TTI1: variants seen among roughly 807,000 people sequenced by gnomAD.
TTI1 encodes the protein TELO2-interacting protein 1 homolog.
TTI1 carries 52 observed loss-of-function variants against 85.4 expected under a neutral mutation model. That is an observed-to-expected ratio of 0.61 (90% confidence interval 0.49 to 0.77). The LOEUF is 0.77. Among genes scored for constraint, TTI1 ranks in the 30% least tolerant of loss-of-function variants. TTI1 has a pLI of 0.00. For missense variants in TTI1, 1,173 were observed against 1,296.0 expected (o/e 0.91, Z 1.46); for synonymous variants, 512 against 503.9 (o/e 1.02, Z -0.22).
chr20:38,017,586 C>A (rs1386484093), intron 1 of TTI1, among the ~76,000 whole-genome samples: 1 of 152,160 alleles, frequency 6.6e-6, no homozygotes. Flanking sequence ...AAACTGCAAT[C>A]TTGAGGGACC....
At chr20:37,996,621 G>A (rs2073343550) in intron 6 of TTI1, 128 bp downstream of exon 6, 1 of 1,403,684 alleles carries the variant, frequency 7.1e-7, no homozygotes, top group Non-Finnish European at 9.8e-7. Flanking sequence ...GGACAAATGA[G>A]GCCAAAATAA....
intron 1 of TTI1, among the ~76,000 whole-genome samples, chr20:38,015,158 G>A (rs150336565): frequency 2.0e-5 from 3 of 152,296 alleles, no homozygotes; most frequent in African/African-American, 4.8e-5. Context: ...TCGTGCCAGC[G>A]GGCGTGAGCA....
chr20:38,031,488 ATAAG>A (rs1230269193), intron 1 of TTI1, among the ~76,000 whole-genome samples: 2 of 152,224 alleles, frequency 1.3e-5, no homozygotes, highest in Non-Finnish European at 2.9e-5. Flanking sequence ...TCTGAGAAGC[ATAAG>A]TAAAAGACTA....
At chr20:38,016,081 T>C (rs1279186758) in intron 1 of TTI1, among the ~76,000 whole-genome samples, 3 of 152,224 alleles carry the variant, frequency 2.0e-5, no homozygotes, top group Admixed American at 6.5e-5. Flanking sequence ...GAACTCCTCA[T>C]TGGCAACAAT....
intron 1 of TTI1, among the ~76,000 whole-genome samples, chr20:38,028,094 T>C (rs1194624997): frequency 6.6e-6 from 1 of 152,202 alleles, no homozygotes; most frequent in Non-Finnish European, 1.5e-5. Context: ...GCAGTTCAAA[T>C]CTGTGTTGTT....
intron 3 of TTI1, 61 bp downstream of exon 3, chr20:38,006,136 C>T: frequency 6.3e-7 from 1 of 1,587,842 alleles, no homozygotes. Flanking sequence ...GATGTTTCAC[C>T]ATTTTTACAA....
chr20:38,005,875 G>T, intron 3 of TTI1: 1 of 318,750 alleles, frequency 3.1e-6, no homozygotes, highest in Middle Eastern at 1.1e-3. Flanking sequence ...TTATTATTAA[G>T]CCAGAAGCAA....
intron 1 of TTI1, among the ~76,000 whole-genome samples, chr20:38,017,458 C>T (rs1033096373): frequency 1.3e-5 from 2 of 150,404 alleles, no homozygotes; most frequent in Non-Finnish European, 2.9e-5. Context: ...TTGGTGTGTG[C>T]GCACGAGCCT....
rs559741105 is a variant in TTI1, at chr20:38,006,246, T to G, written c.2454A>C (p.Lys818Asn). 3.5e-5 allele frequency: 56 copies of G among 1,614,100 alleles called. No homozygotes were observed. The highest frequency in any genetic ancestry group is 4.4e-5 in the Non-Finnish European group (52 of 1,180,042). ...CATTTCCATCTGCCACATCCTTCTC[T>G]TTGAGGTAGTTCAGCAAAAACTGTT... Reference protein sequence around the residue: ...DIEQFLLNYLKEKDVADGNVS... With the variant: ...DIEQFLLNYLNEKDVADGNVS... Residue 818 changes from lysine to asparagine, a missense_variant, in exon 3 of 8, where the codon AAA becomes AAC. By Grantham distance (94) the Lys-to-Asn change is moderately conservative. Transcript: ENST00000373447.
chr20:38,031,787 T>C (rs2073910984), intron 1 of TTI1, among the ~76,000 whole-genome samples: 1 of 152,246 alleles, frequency 6.6e-6, no homozygotes, highest in Admixed American at 6.5e-5. Context: ...GCTCTGCTAT[T>C]TCCTAACTAT....
chr20:38,015,580 A>C (rs2122605048), intron 1 of TTI1, among the ~76,000 whole-genome samples: 1 of 152,216 alleles, frequency 6.6e-6, no homozygotes, highest in East Asian at 1.9e-4. Context: ...GCATTTGAGC[A>C]CTCCTTGAGG....
chr20:38,016,611 T>G (rs1212535478), intron 1 of TTI1, among the ~76,000 whole-genome samples: 2 of 152,196 alleles, frequency 1.3e-5, no homozygotes, highest in African/African-American at 4.8e-5. Flanking sequence ...TTTCACCCTC[T>G]CTTAATCCCA....
At position 38,012,516 on chromosome 20, in the gene TTI1, T is replaced by C; in HGVS notation, c.1301A>G (p.Gln434Arg). The C allele has an allele frequency of 6.2e-7, 1 of 1,614,172 alleles. No homozygotes were observed. Among genetic ancestry groups the C allele is most frequent in the Admixed American group, 1.7e-5 (1 of 60,020 alleles). ...HLQRLSKALI[Q>R]VLELDVADIK... The stretch of plus-strand genomic sequence containing the variant: ...GTCAGCCACGTCTAGCTCTAGAACT[T>C]GGATGAGTGCTTTGGAAAGCCGCTG... Residue 434 changes from glutamine to arginine, a missense_variant, in exon 2 of 8, where the codon CAA becomes CGA. Gln to Arg is a conservative substitution (Grantham distance 43). Transcript: ENST00000373447.
chr20:38,012,574 T>C lies in TTI1; in HGVS notation c.1243A>G (p.Ile415Val), dbSNP rs1223985091. 2.5e-6 allele frequency: 4 copies of C among 1,614,140 alleles called. No individual in the cohort carries two copies. Among genetic ancestry groups the C allele is most frequent in the South Asian group, 1.1e-5 (1 of 91,086 alleles). Residue 415 changes from isoleucine (I) to valine (V), a missense_variant, in exon 2 of 8, where the codon ATA (isoleucine) becomes GTA (valine). By Grantham distance (29) the Ile-to-Val change is conservative. Coordinates refer to ENST00000373447, the MANE Select transcript of TTI1 (RefSeq NM_001303457.2). ...GCCACAGAGTTGAGGACAAAGTTTA[T>C]TTTTGGGCCCAAGAGTTTCAGATAA... Reference protein sequence around the residue: ...LGYLKLLGPKINFVLNSVAHL... With the variant: ...LGYLKLLGPKVNFVLNSVAHL...
Position 37,995,490 on chromosome 20 carries a change from T to C in TTI1, c.3086+885A>G, listed in dbSNP as rs563416555. On this transcript the variant is annotated intron_variant, in intron 7 of 7. Coordinates refer to ENST00000373447, the MANE Select transcript of TTI1 (RefSeq NM_001303457.2). Reference sequence around the variant, plus strand: ...AGATGCAGGGATTCCGCTGCAGGCGTGAAGCTGGTGAGGCTGAAGGAGCTG... The same window carrying C: ...AGATGCAGGGATTCCGCTGCAGGCGCGAAGCTGGTGAGGCTGAAGGAGCTG... Among the ~76,000 whole-genome samples the C allele has an allele frequency of 1.0e-3, 154 of 152,314 alleles. 2 individuals carry two copies. Among genetic ancestry groups the C allele is most frequent in the Middle Eastern group, 3.4e-3 (1 of 294 alleles).
At chr20:38,025,625 CAAAG>C (rs2073827293) in intron 1 of TTI1, among the ~76,000 whole-genome samples, 1 of 149,764 alleles carries the variant, frequency 6.7e-6, no homozygotes, top group Non-Finnish European at 1.5e-5. Flanking sequence ...ACCAAGATGA[CAAAG>C]AGACAAAGAT....
intron 1 of TTI1, among the ~76,000 whole-genome samples, chr20:38,018,741 T>G (rs148886922): frequency 1.2e-4 from 17 of 147,658 alleles, no homozygotes; most frequent in Admixed American, 4.0e-4. Context: ...AATCCAGGAG[T>G]CAATAGAATG....
intron 1 of TTI1, among the ~76,000 whole-genome samples, chr20:38,017,502 G>A (rs1189521022): frequency 6.6e-6 from 1 of 151,850 alleles, no homozygotes; most frequent in Non-Finnish European, 1.5e-5. Context: ...CGTGGGCTTG[G>A]GATTAGGGTG....
chr20:37,999,911 T>C (rs774284058), intron 4 of TTI1, among the ~76,000 whole-genome samples: 32 of 152,134 alleles, frequency 2.1e-4, no homozygotes, highest in Admixed American at 2.6e-4. Flanking sequence ...CGTCAAAGTG[T>C]TTTAAGCAGG....
Sources: gnomAD v4.1 joint callset for allele counts (sites outside exome capture counted in the v4.1 genomes callset) on GRCh38, gnomAD v4.1.1 for gene constraint, MANE v1.5 for transcripts, NCBI Gene and HGNC (gene_info 2026-07-23, HGNC 2026-07-21) for gene names.